KAT7: variants seen among roughly 807,000 people sequenced by gnomAD.
The protein encoded by KAT7 is lysine acetyltransferase 7.
KAT7 carries 10 observed loss-of-function variants against 82.1 expected under a neutral mutation model. That is an observed-to-expected ratio of 0.12 (90% CI 0.08 to 0.21). The LOEUF (loss-of-function observed/expected upper bound fraction) is 0.21. Among genes scored for constraint, KAT7 ranks in the 10% least tolerant of loss-of-function variants. The probability of loss-of-function intolerance (pLI) is 1.00; values close to 1 mark genes in which losing one functional copy is unlikely to be tolerated. For missense variants in KAT7, 378 were observed against 760.9 expected (o/e 0.50, Z 5.92); for synonymous variants, 250 against 262.5 (o/e 0.95, Z 0.46).
intron 7 of KAT7, 31 bp downstream of exon 7, chr17:49,811,605 G>T: frequency 2.7e-6 from 3 of 1,119,930 alleles, no homozygotes; most frequent in Non-Finnish European, 3.8e-6. Flanking sequence ...TAATGAGCAT[G>T]AACTCCTGCT....
At chr17:49,823,407 A>G (rs766413723) in intron 12 of KAT7, 112 bp downstream of exon 12, 12 of 667,240 alleles carry the variant, frequency 1.8e-5, no homozygotes, top group Non-Finnish European at 3.2e-5. Flanking sequence ...AGGTACATGG[A>G]TATTTAGTAA....
chr17:49,798,590 G>T (rs748215506), intron 4 of KAT7, 32 bp downstream of exon 4: 4 of 1,562,022 alleles, frequency 2.6e-6, no homozygotes, highest in Non-Finnish European at 2.6e-6. Flanking sequence ...GACATCCTTT[G>T]TTCTGTGGTT....
intron 8 of KAT7, 132 bp from the exon 9 acceptor site, chr17:49,817,688 A>T (rs1186296084): frequency 6.2e-6 from 4 of 645,936 alleles, no homozygotes; most frequent in Non-Finnish European, 1.1e-5. Flanking sequence ...GCTGGTCTCG[A>T]ACTCCTGGCC....
At chr17:49,801,268 C>A (rs1248014893) in intron 4 of KAT7, among the ~76,000 whole-genome samples, 1 of 152,136 alleles carries the variant, frequency 6.6e-6, no homozygotes, top group African/African-American at 2.4e-5. Context: ...ACTGCAACTT[C>A]CGCCTCCCGG....
intron 9 of KAT7, among the ~76,000 whole-genome samples, chr17:49,819,139 A>G (rs1324576927): frequency 6.6e-6 from 1 of 151,996 alleles, no homozygotes; most frequent in Non-Finnish European, 1.5e-5. Context: ...TATGTTGAGC[A>G]TCTATGACCC....
chr17:49,792,522 G>A (rs975567473), intron 2 of KAT7, among the ~76,000 whole-genome samples: 9 of 151,928 alleles, frequency 5.9e-5, no homozygotes, highest in African/African-American at 2.2e-4. Flanking sequence ...CTTTTCCTGG[G>A]CCAGTGATAT....
intron 9 of KAT7, 45 bp from the exon 10 acceptor site, chr17:49,821,292 G>C (rs778339270): frequency 1.4e-6 from 2 of 1,444,102 alleles, no homozygotes; most frequent in South Asian, 1.2e-5. Flanking sequence ...GAGCAGTCTT[G>C]TTGGGAGGCT....
intron 2 of KAT7, among the ~76,000 whole-genome samples, chr17:49,794,576 G>T (rs374287427): frequency 6.6e-6 from 1 of 152,232 alleles, no homozygotes; most frequent in Non-Finnish European, 1.5e-5. Context: ...GTGAGCCGCC[G>T]TGCCCAGCTG....
At chr17:49,810,685 A>G (rs1378203236) in intron 6 of KAT7, among the ~76,000 whole-genome samples, 9 of 152,210 alleles carry the variant, frequency 5.9e-5, no homozygotes, top group African/African-American at 2.2e-4. Flanking sequence ...ATTAGTTGAA[A>G]TGATCTTAAT....
intron 9 of KAT7, among the ~76,000 whole-genome samples, chr17:49,820,715 C>T (rs1422066447): frequency 2.0e-5 from 3 of 149,960 alleles, no homozygotes; most frequent in Middle Eastern, 3.6e-3. Flanking sequence ...CCAAGTGACC[C>T]TAGCTTCCTG....
rs78292855 is a variant in KAT7, at chr17:49,832,740, T to G, written c.*5238T>G. On this transcript the variant is annotated 3_prime_UTR_variant, in exon 15 of 15. Transcript: ENST00000259021. Reference sequence around the variant, plus strand: ...GCATTAGTTTCCTCTACCTCTTGTGTCTCACAGGTGCACATATGTACAGCA... The same window carrying G: ...GCATTAGTTTCCTCTACCTCTTGTGGCTCACAGGTGCACATATGTACAGCA... 6.6e-6 allele frequency: 1 copy of G among 152,218 alleles called. No individual in the cohort carries two copies. Among genetic ancestry groups the G allele is most frequent in the Admixed American group, 6.5e-5 (1 of 15,284 alleles). 9.4% of individuals were successfully genotyped at this position (152,218 alleles called of 1,614,324 possible).
rs1387892715 is a variant in KAT7 at position 49,788,684 on chromosome 17, G to A, written c.-151G>A. On this transcript the variant is annotated 5_prime_UTR_variant, in exon 1 of 15. Transcript: ENST00000259021. Reference sequence around the variant, plus strand: ...CGCTTCAGCCCGCGGCGCCTGCGCAGAACGCTCCAGACGCTGAGAGGCAGG... The same window carrying A: ...CGCTTCAGCCCGCGGCGCCTGCGCAAAACGCTCCAGACGCTGAGAGGCAGG... 3 of 819,316 alleles carry A rather than the reference G, an allele frequency of 3.7e-6. No homozygotes were observed. The highest frequency in any genetic ancestry group is 6.6e-5 in the East Asian group (2 of 30,464). The allele number at this position is 819,316 out of a possible 1,614,324, so 50.8% of individuals were successfully genotyped here.
intron 7 of KAT7, chr17:49,815,112 A>G (rs1598078487): frequency 6.6e-6 from 1 of 152,328 alleles, no homozygotes; most frequent in Middle Eastern, 3.4e-3. Flanking sequence ...GATTATTCTC[A>G]TGCTTTTAAT....
intron 2 of KAT7, among the ~76,000 whole-genome samples, chr17:49,795,068 C>A (rs184697209): frequency 4.0e-5 from 6 of 150,206 alleles, no homozygotes; most frequent in African/African-American, 1.5e-4. Flanking sequence ...AGGCTGACAC[C>A]GCGCCCTGGC....
At chr17:49,812,372 G>A (rs2074178335) in intron 7 of KAT7, among the ~76,000 whole-genome samples, 1 of 149,802 alleles carries the variant, frequency 6.7e-6, no homozygotes, top group Non-Finnish European at 1.5e-5. Context: ...TTACAGACAT[G>A]TGCCACCACG....
In KAT7 at chr17:49,821,773, A is replaced by G; in HGVS notation, c.1369A>G (p.Ile457Val). Residue 457 changes from isoleucine (I) to valine (V), a missense_variant, in exon 11 of 15, where the codon ATT (isoleucine) becomes GTT (valine). By Grantham distance (29) the Ile-to-Val change is conservative (BLOSUM62 3). Transcript: ENST00000259021. ...GGCGGACAACACTGGCTGTCACCTG[A>G]TTGGATATTTTTCTAAGGTAAGCAG... Reference protein sequence around the residue: ...TEADNTGCHLIGYFSKEKNSF... With the variant: ...TEADNTGCHLVGYFSKEKNSF... 1 of 1,613,978 alleles carries G rather than the reference A, an allele frequency of 6.2e-7. No homozygotes were observed. Among genetic ancestry groups the G allele is most frequent in the Non-Finnish European group, 8.5e-7 (1 of 1,179,946 alleles).
At position 49,796,752 on chromosome 17, in the gene KAT7, T is replaced by C. The variant is rs779331926; in HGVS notation, c.166T>C (p.Ser56Pro). ...SARLSQSSQDSSPVRNLQSFG... is the reference protein window; with the variant it reads ...SARLSQSSQDPSPVRNLQSFG... ...TTTTCTTTTAAAATTGGGATCAGAT[T>C]CCAGTCCTGTTCGAAATCTGCAGTC... The change falls in exon 3 of 15, where the codon TCC (serine) becomes CCC (proline). Residue 56 changes from serine (S) to proline (P), a missense_variant and splice_region_variant. Physicochemically the swap from Ser to Pro is moderately conservative, Grantham distance 74. Transcript: ENST00000259021. 2 of 1,604,296 alleles carry C rather than the reference T, an allele frequency of 1.2e-6. No homozygotes were observed. Among genetic ancestry groups the C allele is most frequent in the Non-Finnish European group, 1.7e-6 (2 of 1,174,144 alleles).
At chr17:49,810,024 A>C (rs2074142085) in intron 6 of KAT7, among the ~76,000 whole-genome samples, 1 of 152,202 alleles carries the variant, frequency 6.6e-6, no homozygotes, top group Admixed American at 6.5e-5. Context: ...TTGACTTTGG[A>C]GCCAAACAGA....
chr17:49,813,119 T>A (rs2074190654), intron 7 of KAT7, among the ~76,000 whole-genome samples: 1 of 151,792 alleles, frequency 6.6e-6, no homozygotes, highest in Admixed American at 6.6e-5. Flanking sequence ...CTTCTAATGA[T>A]CTTATCCTGT....
Sources: allele counts gnomAD v4.1 joint callset (sites outside exome capture counted in the v4.1 genomes callset), GRCh38; gene constraint gnomAD v4.1.1; transcripts MANE v1.5; gene names NCBI Gene and HGNC (gene_info 2026-07-23, HGNC 2026-07-21).